Variants in FBXL2 observed in about 807,000 individuals in gnomAD.
FBXL2 encodes the protein F-box and leucine rich repeat protein 2, also known as F-box/LRR-repeat protein 2.
A neutral mutation model predicts 69.2 loss-of-function variants in FBXL2; 38 were observed. The ratio of observed to expected loss-of-function variants is 0.55; its 90% confidence interval spans 0.42 to 0.72. The LOEUF is 0.72. Ranked by LOEUF, FBXL2 falls within the 30% of genes least tolerant of loss-of-function variation. The pLI is 0.00. For missense variants in FBXL2, 354 were observed against 520.3 expected, an observed-to-expected ratio of 0.68 and a Z score of 3.11; for synonymous variants, 192 against 201.3, an observed-to-expected ratio of 0.95 and a Z score of 0.39.
intron 12 of FBXL2, chr3:33,400,174 C>T (rs1469141175): frequency 1.3e-6 from 2 of 1,499,864 alleles, no homozygotes; most frequent in African/African-American, 1.4e-5. Context: ...CAGATACACA[C>T]ACACATACAC....
chr3:33,333,095 GT>G (rs1324942196), intron 2 of FBXL2, among the ~76,000 whole-genome samples: 2 of 152,180 alleles, frequency 1.3e-5, no homozygotes, highest in Non-Finnish European at 2.9e-5. Context: ...GCTGAGGGGA[GT>G]GGGGGATAGG....
In FBXL2 at chr3:33,385,637, G is replaced by A. The variant is rs1284532435; in HGVS notation, c.*29G>A. ...CAGCTGCCTGGGCCCAAGGGGTGAT[G>A]AGGCATCCTTTCCTCTAGAAGACCT... is the stretch of plus-strand genomic sequence containing the variant. On this transcript the variant is annotated 3_prime_UTR_variant, in exon 15 of 15. Coordinates refer to ENST00000484457, the MANE Select transcript of FBXL2 (RefSeq NM_012157.5). The A allele has an allele frequency of 6.4e-7, 1 of 1,567,682 alleles. No individual in the cohort carries two copies. Among genetic ancestry groups the A allele is most frequent in the Admixed American group, 1.7e-5 (1 of 59,912 alleles).
In FBXL2 at chr3:33,396,145, A is replaced by T. The variant is rs758678874; in HGVS notation, n.1215-7089A>T. ...CAGTCTCAGAAGTGACAGAATTGAG[A>T]TGCCCTCAATACCTACCATAGGGTG... On this transcript the variant is annotated intron_variant and non_coding_transcript_variant, in intron 12 of 12. Transcript: ENST00000463736. 9 of 1,526,010 alleles carry T rather than the reference A, an allele frequency of 5.9e-6. No individual in the cohort carries two copies. The Admixed American group carries it at 1.5e-4, about 26-fold the overall frequency. The allele number at this position is 1,526,010 out of a possible 1,614,324, so 94.5% of individuals were successfully genotyped here.
At chr3:33,408,908 ATTC>A in the FBXL2 span, 1 of 1,046,830 alleles carries the variant, frequency 9.6e-7, no homozygotes, top group Admixed American at 2.5e-5. Flanking sequence ...GACTAACAGG[ATTC>A]AAAGTTAAAA....
intron 2 of FBXL2, among the ~76,000 whole-genome samples, chr3:33,355,890 A>G (rs1227708502): frequency 6.6e-6 from 1 of 152,214 alleles, no homozygotes; most frequent in Non-Finnish European, 1.5e-5. Flanking sequence ...TCGTCGAAAC[A>G]TGAGTCAGGA....
intron 2 of FBXL2, among the ~76,000 whole-genome samples, chr3:33,301,058 C>G (rs1488828384): frequency 6.6e-6 from 1 of 152,110 alleles, no homozygotes; most frequent in African/African-American, 2.4e-5. Flanking sequence ...ACCAGATTTC[C>G]TAAGCATCCA....
At chr3:33,323,696 T>A (rs1419360145) in intron 2 of FBXL2, among the ~76,000 whole-genome samples, 1 of 152,220 alleles carries the variant, frequency 6.6e-6, no homozygotes, top group Non-Finnish European at 1.5e-5. Context: ...ATTTTCTTTA[T>A]CCAGTCTATC....
chr3:33,388,724 T>G (rs543550665), downstream of FBXL2: 1 of 152,296 alleles, frequency 6.6e-6, no homozygotes, highest in Admixed American at 6.5e-5. Flanking sequence ...AAAGGAAAAC[T>G]CTCTGCCTAT....
chr3:33,386,222 AC>A lies in FBXL2; in HGVS notation c.*616del. Reference sequence around the variant, plus strand: ...CTATACTGGGTGGAGCAGGGTCTTCACCTTTTTGTTTCTGTCAACTTGTCAT... The same window carrying A: ...CTATACTGGGTGGAGCAGGGTCTTCACTTTTTGTTTCTGTCAACTTGTCAT... On this transcript the variant is annotated 3_prime_UTR_variant, in exon 15 of 15. Coordinates refer to ENST00000484457, the MANE Select transcript of FBXL2 (RefSeq NM_012157.5). 6.5e-6 allele frequency: 1 copy of A among 154,330 alleles called. No homozygotes were observed. Among genetic ancestry groups the A allele is most frequent in the South Asian group, 2.0e-4 (1 of 4,944 alleles). The allele number at this position is 154,330 out of a possible 1,614,324, so 9.6% of individuals were successfully genotyped here. A position where few individuals can be genotyped will look rare whatever the true frequency, so the allele number is the denominator to read the frequency against.
chr3:33,307,588 A>G (rs911813795), intron 2 of FBXL2, among the ~76,000 whole-genome samples: 4 of 152,046 alleles, frequency 2.6e-5, no homozygotes, highest in Admixed American at 2.6e-4. Context: ...ATTATACTGC[A>G]TTTGTAAAAG....
chr3:33,288,034 A>T (rs1269319695), intron 1 of FBXL2, among the ~76,000 whole-genome samples: 1 of 151,914 alleles, frequency 6.6e-6, no homozygotes, highest in African/African-American at 2.4e-5. Context: ...TCTCTACCTC[A>T]CTTTGAATCT....
At chr3:33,288,162 G>A (rs1423263465) in intron 1 of FBXL2, among the ~76,000 whole-genome samples, 7 of 152,168 alleles carry the variant, frequency 4.6e-5, no homozygotes, top group Admixed American at 4.6e-4. Flanking sequence ...GCATTTACTG[G>A]GAAGTTTTTA....
the FBXL2 span, among the ~76,000 whole-genome samples, chr3:33,417,823 T>C: frequency 6.6e-6 from 1 of 152,208 alleles, no homozygotes; most frequent in Non-Finnish European, 1.5e-5. Flanking sequence ...ACCTTGTCCA[T>C]ACTCCCAGGG....
chr3:33,399,021 C>T lies in FBXL2; in HGVS notation n.1215-4213C>T, dbSNP rs974212037. ...ATAACTACTCATTGCACAAACATTA[C>T]AATACGTGGCATAGTAAGAAACCAT... On this transcript the variant is annotated intron_variant and non_coding_transcript_variant, in intron 12 of 12. Coordinates refer to the FBXL2 transcript ENST00000463736. 2.0e-5 allele frequency among the ~76,000 whole-genome samples: 3 copies of T among 152,234 alleles called. 1 individual carries two copies. Among genetic ancestry groups the T allele is most frequent in the African/African-American group, 7.2e-5 (3 of 41,458 alleles).
At chr3:33,403,186 G>T in intron 12 of FBXL2, 1 of 310,204 alleles carries the variant, frequency 3.2e-6, no homozygotes, top group Non-Finnish European at 6.1e-6. Flanking sequence ...AAGTATAATT[G>T]CTTTGAAGAG....
chr3:33,280,487 C>T (rs991036827), intron 1 of FBXL2, among the ~76,000 whole-genome samples: 1 of 152,070 alleles, frequency 6.6e-6, no homozygotes, highest in Non-Finnish European at 1.5e-5. Flanking sequence ...GATGGGAGGA[C>T]TGCTTCAGTC....
At position 33,373,827 on chromosome 3, in the gene FBXL2, T is replaced by TAAAA; in HGVS notation, c.583-20_583-19insAAAA. The TAAAA allele has an allele frequency of 6.2e-7, 1 of 1,614,166 alleles. No individual in the cohort carries two copies. The highest frequency in any genetic ancestry group is 8.5e-7 in the Non-Finnish European group (1 of 1,179,978). On this transcript the variant is annotated intron_variant, in intron 8 of 14. Coordinates refer to ENST00000484457, the MANE Select transcript of FBXL2 (RefSeq NM_012157.5). Reference sequence around the variant, plus strand: ...CCTCACCTGGATTCCAGCTGTCTTTTGTTTTCTCTGTCCACTCAGTTAGAA... The same window carrying TAAAA: ...CCTCACCTGGATTCCAGCTGTCTTTTAAAAGTTTTCTCTGTCCACTCAGTTAGAA...
At position 33,387,185 on chromosome 3, in the gene FBXL2, A is replaced by AC. The variant is rs1299024671; in HGVS notation, c.*1580dup. On this transcript the variant is annotated 3_prime_UTR_variant, in exon 15 of 15. Coordinates refer to ENST00000484457, the MANE Select transcript of FBXL2 (RefSeq NM_012157.5). Reference sequence around the variant, plus strand: ...AGCAGTTAGTTAAATATACATTTATACCCACTGTTTGTTGTGGAAGAGATG... The same window carrying AC: ...AGCAGTTAGTTAAATATACATTTATACCCCACTGTTTGTTGTGGAAGAGATG... The AC allele has an allele frequency of 6.6e-6, 1 of 152,166 alleles. No homozygotes were observed. The highest frequency in any genetic ancestry group is 2.4e-5 in the African/African-American group (1 of 41,432). The allele number at this position is 152,166 out of a possible 1,614,324, so 9.4% of individuals were successfully genotyped here. A position where few individuals can be genotyped will look rare whatever the true frequency, so the allele number is the denominator to read the frequency against.
chr3:33,292,288 G>T (rs1321422320), intron 1 of FBXL2, among the ~76,000 whole-genome samples: 1 of 152,118 alleles, frequency 6.6e-6, no homozygotes, highest in Non-Finnish European at 1.5e-5. Context: ...GCTGAGGTGG[G>T]AGGATCATTG....
Sources: gnomAD v4.1 joint callset for allele counts (sites outside exome capture counted in the v4.1 genomes callset) on GRCh38, gnomAD v4.1.1 for gene constraint, MANE v1.5 for transcripts, NCBI Gene and HGNC (gene_info 2026-07-23, HGNC 2026-07-21) for gene names.